EVC: variants seen among roughly 807,000 people sequenced by gnomAD.
EVC encodes the protein evC complex member EVC.
In EVC, 116 loss-of-function variants were observed where a neutral mutation model predicts 118.9. That is an observed-to-expected ratio of 0.98 (90% CI 0.84 to 1.14). EVC has a LOEUF of 1.14. EVC is among the 50% of genes most tolerant of loss of function. EVC has a pLI of 0.00. For missense variants in EVC, 1,401 were observed against 1,246.4 expected (o/e 1.12, Z -1.87); for synonymous variants, 619 against 534.7 (o/e 1.16, Z -2.18).
intron 8 of EVC, among the ~76,000 whole-genome samples, chr4:5,748,985 C>G (rs1729930472): frequency 6.6e-6 from 1 of 152,018 alleles, no homozygotes; most frequent in African/African-American, 2.4e-5. Context: ...TGCAACCTGG[C>G]TGGGCATTGG....
At chr4:5,717,273 C>T (rs6847411) in intron 1 of EVC, among the ~76,000 whole-genome samples, 126,453 of 152,194 alleles carry the variant, frequency 0.83, 52,839 homozygotes, top group African/African-American at 0.92. Context: ...TCTATCCTGT[C>T]CTTATTTTAT....
chr4:5,793,132 T>C (rs1270822974), intron 12 of EVC, among the ~76,000 whole-genome samples: 3 of 152,154 alleles, frequency 2.0e-5, no homozygotes, highest in Non-Finnish European at 4.4e-5. Context: ...CCTCGCTGCA[T>C]TGATATTTAA....
the EVC span, chr4:5,825,757 G>A: frequency 1.0e-5 from 13 of 1,283,990 alleles, no homozygotes; most frequent in Admixed American, 7.5e-5. This position sits in a 1 kb window ranked among gnomAD's most constrained non-coding sequence, Gnocchi z 4.4. Context: ...AGAAACCTGA[G>A]GTCACTTCAA....
chr4:5,790,180 CAAA>C (rs35158259), intron 12 of EVC, among the ~76,000 whole-genome samples: 1 of 112,212 alleles, frequency 8.9e-6, no homozygotes. Context: ...GACTCCATCT[CAAA>C]AAAAAAAAAA....
Position 5,749,821 on chromosome 4 carries a change from A to G in EVC, c.1098+1515A>G, listed in dbSNP as rs942456045. Among the ~76,000 whole-genome samples, 3 of 152,148 alleles carry G rather than the reference A, an allele frequency of 2.0e-5. No individual in the cohort carries two copies. Among genetic ancestry groups the G allele is most frequent in the African/African-American group, 7.2e-5 (3 of 41,430 alleles). On this transcript the variant is annotated intron_variant, in intron 8 of 20. Transcript: ENST00000264956. This position sits in a 1 kb window ranked among gnomAD's most constrained non-coding sequence, Gnocchi z 4.4. ...GCTCCTCAGACCCGTGGGAAAGCCA[A>G]GCCTCAACGGATCTTTGCCTCCCCT...
Position 5,731,082 on chromosome 4 carries a change from AG to A in EVC, c.385-340del, listed in dbSNP as rs1050102261. Reference sequence around the variant, plus strand: ...TCAGCAGCAAGGAGAGAACTGGGTCAGGGCAAGCGGTGGCTATGGAGGAGGT... The same window carrying A: ...TCAGCAGCAAGGAGAGAACTGGGTCAGGCAAGCGGTGGCTATGGAGGAGGT... On this transcript the variant is annotated intron_variant, in intron 3 of 20. Transcript: ENST00000264956. This position sits in a 1 kb window ranked among gnomAD's most constrained non-coding sequence, Gnocchi z 5.6. Among the ~76,000 whole-genome samples the A allele has an allele frequency of 4.6e-5, 7 of 151,990 alleles. No individual in the cohort carries two copies. The highest frequency in any genetic ancestry group is 1.7e-4 in the African/African-American group (7 of 41,400).
At chr4:5,804,892 A>G (rs774230709) in intron 17 of EVC, 51 bp downstream of exon 17, 1 of 1,465,034 alleles carries the variant, frequency 6.8e-7, no homozygotes, top group East Asian at 2.3e-5. Context: ...CCCCATTCAC[A>G]TGGCATATCT....
At chr4:5,825,534 T>G in the EVC span, 2 of 1,586,822 alleles carry the variant, frequency 1.3e-6, no homozygotes, top group African/African-American at 1.4e-5. This position sits in a 1 kb window ranked among gnomAD's most constrained non-coding sequence, Gnocchi z 4.4. Flanking sequence ...TTCTGATGGG[T>G]GGGGGCTGGT....
chr4:5,717,337 T>A (rs948551587), intron 1 of EVC, among the ~76,000 whole-genome samples: 9 of 152,218 alleles, frequency 5.9e-5, no homozygotes, highest in African/African-American at 2.2e-4. Flanking sequence ...TTTATTTGTT[T>A]AAAGTTTTTT....
chr4:5,725,623 C>A lies in EVC; in HGVS notation c.301-3684C>A, dbSNP rs148287485. ...TCCTTGTAGATTCTGGATGTTAGAC[C>A]CTTGTCAGATGGGTAGATTGTAAAA... On this transcript the variant is annotated intron_variant, in intron 2 of 20. Transcript: ENST00000264956. 4.4e-3 allele frequency among the ~76,000 whole-genome samples: 674 copies of A among 152,070 alleles called. 4 individuals are homozygous for A. Among genetic ancestry groups the A allele is most frequent in the African/African-American group, 0.015 (643 of 41,494 alleles).
chr4:5,810,431 C>T lies in EVC; in HGVS notation c.2875C>T (p.Gln959Ter), dbSNP rs1259932360. 1 of 1,612,302 alleles carries T rather than the reference C, an allele frequency of 6.2e-7. No individual in the cohort carries two copies. ...CAATGAGGACCTTGCCTCCGGGGAC[C>T]AGACCTCAGGCTCACTCAGGTATGA... ...PNNEDLASGD[Q>*]TSGSLSSKRL... Residue 959 changes from glutamine to a stop codon, truncating the protein, a stop_gained, in exon 20 of 21, where the codon CAG becomes TAG. Transcript: ENST00000264956. LOFTEE classifies it low-confidence loss of function (END_TRUNC).
Position 5,728,510 on chromosome 4 carries a change from C to T in EVC, c.301-797C>T, listed in dbSNP as rs546078940. Among the ~76,000 whole-genome samples, 55 of 152,170 alleles carry T rather than the reference C, an allele frequency of 3.6e-4. 1 individual carries two copies. The East Asian group carries it at 8.9e-3, about 25-fold the overall frequency. On this transcript the variant is annotated intron_variant, in intron 2 of 20. Transcript: ENST00000264956. ...GGGTTTTCTAGATATACAATCATGT[C>T]GTCTGCAAACAGGGACAATTTGACT...
intron 11 of EVC, among the ~76,000 whole-genome samples, chr4:5,771,896 TTTATTATTA>T (rs144615603): frequency 6.6e-6 from 1 of 150,532 alleles, no homozygotes; most frequent in Non-Finnish European, 1.5e-5. Context: ...TTTATTTTAT[TTTATTATTA>T]TTATTATTAT....
chr4:5,783,413 T>G (rs1735931695), intron 11 of EVC, 139 bp from the exon 12 acceptor site: 3 of 800,200 alleles, frequency 3.7e-6, no homozygotes, highest in Non-Finnish European at 6.5e-6. Flanking sequence ...CATGCTTGCA[T>G]ACGTGTGACT....
intron 1 of EVC, among the ~76,000 whole-genome samples, chr4:5,715,418 A>T (rs561588807): frequency 6.6e-6 from 1 of 152,186 alleles, no homozygotes; most frequent in Non-Finnish European, 1.5e-5. Context: ...TGAGTCCAGC[A>T]AGCTGTGTTT....
chr4:5,781,644 T>C (rs148998493), intron 11 of EVC, among the ~76,000 whole-genome samples: 165 of 152,140 alleles, frequency 1.1e-3, no homozygotes, highest in African/African-American at 3.9e-3. Flanking sequence ...CGAGAGCAGC[T>C]TGAGCAACAC....
At chr4:5,822,884 G>A in the EVC span, among the ~76,000 whole-genome samples, 2 of 152,270 alleles carry the variant, frequency 1.3e-5, no homozygotes, top group African/African-American at 4.8e-5. Flanking sequence ...ACTGCACAAA[G>A]CCCTCTTCGG....
the EVC span, among the ~76,000 whole-genome samples, chr4:5,823,363 G>A: frequency 6.6e-6 from 1 of 152,194 alleles, no homozygotes; most frequent in African/African-American, 2.4e-5. Flanking sequence ...CCTGGAATCA[G>A]GCCTAGCACT....
chr4:5,821,943 C>G, the EVC span: 13 of 1,141,410 alleles, frequency 1.1e-5, no homozygotes, highest in Non-Finnish European at 1.5e-5. This position sits in a 1 kb window ranked among gnomAD's most constrained non-coding sequence, Gnocchi z 4.4. Context: ...ATGCACTCCA[C>G]TGGACCCACC....
Sources: allele counts gnomAD v4.1 joint callset (sites outside exome capture counted in the v4.1 genomes callset), GRCh38; gene constraint gnomAD v4.1.1; non-coding constraint Gnocchi (gnomAD v3.1); transcripts MANE v1.5; gene names NCBI Gene and HGNC (gene_info 2026-07-23, HGNC 2026-07-21).